Variants in P4HA1 observed in about 807,000 individuals in gnomAD.
P4HA1 encodes prolyl 4-hydroxylase subunit alpha-1.
In P4HA1, 24 loss-of-function variants were observed where a neutral mutation model predicts 72.8. The observed-to-expected ratio is 0.33, with a 90% confidence interval of 0.24 to 0.46. The LOEUF is 0.46. Among genes scored for constraint, P4HA1 ranks in the 20% least tolerant of loss-of-function variants. The pLI, the probability that P4HA1 is intolerant of heterozygous loss-of-function variation, is 1.00. For missense variants in P4HA1, 446 were observed against 640.6 expected (o/e 0.70, Z 3.28); for synonymous variants, 201 against 218.8 (o/e 0.92, Z 0.72).
chr10:73,092,241 A>G (rs79646121), intron 1 of P4HA1, among the ~76,000 whole-genome samples: 10,614 of 151,846 alleles, frequency 0.07, 624 homozygotes, highest in East Asian at 0.3. Flanking sequence ...ACATGGTGCT[A>G]TATCATGTAA....
chr10:73,031,689 T>C (rs1240927686), intron 9 of P4HA1, among the ~76,000 whole-genome samples: 2 of 152,162 alleles, frequency 1.3e-5, no homozygotes, highest in Admixed American at 6.5e-5. Flanking sequence ...AGGATTTTTT[T>C]TGAGTGACAA....
intron 11 of P4HA1, among the ~76,000 whole-genome samples, chr10:73,015,696 A>G (rs1451749189): frequency 6.6e-6 from 1 of 152,194 alleles, no homozygotes; most frequent in African/African-American, 2.4e-5. Context: ...CAGAGCTGTT[A>G]TTCCCAAAGC....
intron 9 of P4HA1, among the ~76,000 whole-genome samples, chr10:73,037,566 TATATA>T (rs1315028836): frequency 0.023 from 677 of 29,998 alleles, 5 homozygotes; most frequent in Non-Finnish European, 0.03. Flanking sequence ...TATATATATA[TATATA>T]TTTTTTTTTT....
intron 4 of P4HA1, among the ~76,000 whole-genome samples, chr10:73,071,745 C>G (rs1841571078): frequency 1.3e-5 from 2 of 151,588 alleles, no homozygotes; most frequent in South Asian, 4.2e-4. Context: ...GAAGGTAATC[C>G]TAAAATAAAA....
At chr10:73,016,140 C>T (rs187643616) in intron 11 of P4HA1, among the ~76,000 whole-genome samples, 1 of 152,256 alleles carries the variant, frequency 6.6e-6, no homozygotes, top group Admixed American at 6.5e-5. Context: ...ATTCCCCGTC[C>T]TTGCCATGTG....
intron 9 of P4HA1, among the ~76,000 whole-genome samples, chr10:73,032,792 AAG>A (rs1840463545): frequency 1.3e-5 from 2 of 152,326 alleles, no homozygotes; most frequent in African/African-American, 4.8e-5. Flanking sequence ...GAGAGAGAGC[AAG>A]AGAGAGTGTG....
At chr10:73,025,594 T>C (rs1192223675) in intron 10 of P4HA1, among the ~76,000 whole-genome samples, 1 of 152,002 alleles carries the variant, frequency 6.6e-6, no homozygotes, top group Non-Finnish European at 1.5e-5. Context: ...TTCAACATAG[T>C]GTTGGAAGTT....
chr10:73,047,163 C>T, intron 7 of P4HA1, 62 bp from the exon 8 acceptor site: 2 of 1,153,840 alleles, frequency 1.7e-6, no homozygotes, highest in East Asian at 2.5e-5. Context: ...AATATCTATT[C>T]CTATGCAGAT....
chr10:73,050,884 T>C (rs1260698080), intron 7 of P4HA1, among the ~76,000 whole-genome samples, 169 bp downstream of exon 7: 1 of 152,118 alleles, frequency 6.6e-6, no homozygotes, highest in Non-Finnish European at 1.5e-5. Flanking sequence ...TTTAAATTTT[T>C]TTGTAATGGG....
intron 6 of P4HA1, among the ~76,000 whole-genome samples, chr10:73,052,017 C>T (rs921883770): frequency 6.6e-6 from 1 of 152,092 alleles, no homozygotes. Flanking sequence ...ATGTAGCCTA[C>T]TTCTAAGGGC....
intron 9 of P4HA1, among the ~76,000 whole-genome samples, chr10:73,043,707 T>C (rs991132739): frequency 3.3e-5 from 5 of 152,210 alleles, no homozygotes; most frequent in African/African-American, 7.2e-5. Context: ...GGAAAACCCC[T>C]ATTAACTGCC....
intron 10 of P4HA1, among the ~76,000 whole-genome samples, chr10:73,023,755 A>G (rs1205485680): frequency 6.6e-6 from 1 of 151,708 alleles, no homozygotes; most frequent in Non-Finnish European, 1.5e-5. Flanking sequence ...GTGCAGAGAC[A>G]CACATAGGCT....
At chr10:73,061,459 A>T (rs1300722733) in intron 5 of P4HA1, among the ~76,000 whole-genome samples, 3 of 152,220 alleles carry the variant, frequency 2.0e-5, no homozygotes. Flanking sequence ...AATAAAAGGG[A>T]CTTAACAGAC....
At chr10:73,063,061 G>A (rs572953189) in intron 5 of P4HA1, among the ~76,000 whole-genome samples, 6 of 152,064 alleles carry the variant, frequency 3.9e-5, no homozygotes, top group Non-Finnish European at 7.3e-5. Flanking sequence ...ACGTTTTGAT[G>A]TTTTTCCCTT....
rs1181303970 is a variant in P4HA1, at chr10:73,082,981, T to G, written c.-32-8066A>C. Reference sequence around the variant, plus strand: ...TTTATCAAAAATTATAAAATATAAATGCCTCCTGTTCTAAATATTCAAACA... The same window carrying G: ...TTTATCAAAAATTATAAAATATAAAGGCCTCCTGTTCTAAATATTCAAACA... On this transcript the variant is annotated intron_variant, in intron 1 of 14. Transcript: ENST00000394890. 3.2e-5 allele frequency among the ~76,000 whole-genome samples: 2 copies of G among 61,902 alleles called. 1 individual carries two copies. The highest frequency in any genetic ancestry group is 4.6e-5 in the Non-Finnish European group (2 of 43,676). The allele number at this position is 61,902 out of a possible 152,430, so 40.6% of individuals were successfully genotyped here.
chr10:73,035,106 T>C (rs1241200292), intron 9 of P4HA1, among the ~76,000 whole-genome samples: 2 of 152,174 alleles, frequency 1.3e-5, no homozygotes, highest in African/African-American at 4.8e-5. Flanking sequence ...ATTTTGGGTA[T>C]GTACCTAGAA....
chr10:73,014,473 A>T (rs568212677), intron 11 of P4HA1, among the ~76,000 whole-genome samples, 184 bp from the exon 12 acceptor site: 1 of 152,148 alleles, frequency 6.6e-6, no homozygotes, highest in Admixed American at 6.5e-5. Context: ...GAGTCTTGCT[A>T]TGTGGACCAG....
At position 73,050,227 on chromosome 10, in the gene P4HA1, C is replaced by T. The variant is rs577924363; in HGVS notation, c.900+826G>A. 6.0e-5 allele frequency among the ~76,000 whole-genome samples: 9 copies of T among 151,090 alleles called. No homozygotes were observed. The South Asian group carries it at 1.5e-3, about 25-fold the overall frequency. The stretch of plus-strand genomic sequence containing the variant: ...GCATTAAATATAAAAAAAACTATCA[C>T]TTCCTTTAAACTTATTTGATCCTTC... On this transcript the variant is annotated intron_variant, in intron 7 of 14. Coordinates refer to ENST00000394890, the MANE Select transcript of P4HA1 (RefSeq NM_001017962.3).
intron 10 of P4HA1, among the ~76,000 whole-genome samples, chr10:73,024,071 G>C (rs1447481079): frequency 1.3e-5 from 2 of 152,126 alleles, no homozygotes; most frequent in Non-Finnish European, 2.9e-5. Flanking sequence ...GTCAATATGA[G>C]ATCAACAAGA....
Sources: allele counts gnomAD v4.1 joint callset (sites outside exome capture counted in the v4.1 genomes callset), GRCh38; gene constraint gnomAD v4.1.1; transcripts MANE v1.5; gene names NCBI Gene and HGNC (gene_info 2026-07-23, HGNC 2026-07-21).